The following NOL10 variants were observed in gnomAD, a reference collection of about 807,000 sequenced individuals.
NOL10 encodes nucleolar protein 10.
A neutral mutation model predicts 103.5 loss-of-function variants in NOL10; 58 were observed. The observed-to-expected ratio is 0.56, with a 90% CI of 0.45 to 0.70. The LOEUF (loss-of-function observed/expected upper bound fraction) is 0.70. Ranked by LOEUF, NOL10 falls within the 30% of genes least tolerant of loss-of-function variation. The probability of loss-of-function intolerance (pLI) is 0.00; values close to 1 mark genes in which losing one functional copy is unlikely to be tolerated. For synonymous variants in NOL10, 287 were observed against 282.5 expected (o/e 1.02, Z -0.16); for missense variants, 763 against 807.3 (o/e 0.95, Z 0.67).
intron 14 of NOL10, among the ~76,000 whole-genome samples, chr2:10,603,661 T>C (rs1162405579): frequency 6.6e-6 from 1 of 152,172 alleles, no homozygotes; most frequent in Non-Finnish European, 1.5e-5. Flanking sequence ...ACATGCATAT[T>C]AATACTCATA....
At chr2:10,664,902 T>TA (rs1680476091) in intron 8 of NOL10, among the ~76,000 whole-genome samples, 1 of 147,770 alleles carries the variant, frequency 6.8e-6, no homozygotes, top group Non-Finnish European at 1.5e-5. Context: ...AGCAAATTAT[T>TA]AACAGTATTT....
intron 17 of NOL10, chr2:10,590,722 C>A (rs572155312): frequency 4.6e-5 from 7 of 151,034 alleles, no homozygotes; most frequent in African/African-American, 1.7e-4. Flanking sequence ...ATACTAAATT[C>A]CTTTTTATTT....
At position 10,589,234 on chromosome 2, in the gene NOL10, T is replaced by C. The variant is rs1389970063; in HGVS notation, c.1653A>G (p.Ser551=). 6.2e-7 allele frequency: 1 copy of C among 1,613,858 alleles called. No homozygotes were observed. Among genetic ancestry groups the C allele is most frequent in the Non-Finnish European group, 8.5e-7 (1 of 1,179,894 alleles). ...KPSDAESSES[S]DDEKAWVEEV... Reference sequence around the variant, plus strand: ...CTTCAACCCAGGCTTTTTCATCATCTGAACTCTCCGAACTTTCTGCATCAC... The same window carrying C: ...CTTCAACCCAGGCTTTTTCATCATCCGAACTCTCCGAACTTTCTGCATCAC... Residue 551 remains serine (S), a synonymous_variant, in exon 19 of 21, where the codon TCA becomes TCG. Transcript: ENST00000381685.
intron 13 of NOL10, among the ~76,000 whole-genome samples, chr2:10,624,852 C>T (rs1366769204): frequency 6.6e-6 from 1 of 152,078 alleles, no homozygotes; most frequent in African/African-American, 2.4e-5. Context: ...TTCCTAACTG[C>T]CAAAACTGGA....
chr2:10,644,273 T>A, intron 13 of NOL10, 47 bp downstream of exon 13: 1 of 1,291,316 alleles, frequency 7.7e-7, no homozygotes, highest in Non-Finnish European at 1.1e-6. Flanking sequence ...ATAAAAAGTA[T>A]CTTTGCTTGT....
At chr2:10,581,001 T>C (rs904199889) in intron 19 of NOL10, among the ~76,000 whole-genome samples, 1 of 152,234 alleles carries the variant, frequency 6.6e-6, no homozygotes, top group African/African-American at 2.4e-5. Flanking sequence ...TTAAGTACTT[T>C]GCTTTAAATA....
At chr2:10,676,157 T>A (rs564014963) in intron 3 of NOL10, among the ~76,000 whole-genome samples, 1 of 152,264 alleles carries the variant, frequency 6.6e-6, no homozygotes, top group East Asian at 1.9e-4. Flanking sequence ...ATGGCAAAGA[T>A]TAAAAAACGG....
At chr2:10,601,714 T>G (rs867639353) in intron 16 of NOL10, among the ~76,000 whole-genome samples, 1 of 152,268 alleles carries the variant, frequency 6.6e-6, no homozygotes, top group Middle Eastern at 3.4e-3. Flanking sequence ...CTTGGGAGGC[T>G]GAGGTGGGAA....
At chr2:10,589,504 A>G (rs1224634232) in intron 18 of NOL10, 74 bp downstream of exon 18, 21 of 1,276,328 alleles carry the variant, frequency 1.6e-5, no homozygotes, top group Non-Finnish European at 1.9e-5. Context: ...ATAATCAAAG[A>G]CTCTTCTAAC....
chr2:10,573,585 T>C (rs926266357), intron 20 of NOL10, among the ~76,000 whole-genome samples: 3 of 151,596 alleles, frequency 2.0e-5, no homozygotes, highest in East Asian at 3.9e-4. Context: ...CTTGTGGATA[T>C]TACCCACTCT....
At chr2:10,654,667 C>G in intron 11 of NOL10, 120 bp from the exon 12 acceptor site, 1 of 507,024 alleles carries the variant, frequency 2.0e-6, no homozygotes, top group Non-Finnish European at 3.5e-6. Flanking sequence ...TAGCCTACTT[C>G]AAATACAAAA....
At position 10,587,086 on chromosome 2, in the gene NOL10, T is replaced by TAC. The variant is rs1558270091; in HGVS notation, c.1844+1955_1844+1956dup. 2.5e-3 allele frequency among the ~76,000 whole-genome samples: 139 copies of TAC among 55,008 alleles called. 15 individuals carry two copies. Among genetic ancestry groups the TAC allele is most frequent in the African/African-American group, 7.4e-3 (114 of 15,304 alleles). The allele number at this position is 55,008 out of a possible 152,430, so 36.1% of individuals were successfully genotyped here. A position where few individuals can be genotyped will look rare whatever the true frequency, so the allele number is the denominator to read the frequency against. On this transcript the variant is annotated intron_variant, in intron 19 of 20. Transcript: ENST00000381685. ...ATATATACATATATATACATATATA[T>TAC]ACATATATATACACATATATATACA...
At chr2:10,587,551 G>A (rs1572241713) in intron 19 of NOL10, among the ~76,000 whole-genome samples, 1 of 151,572 alleles carries the variant, frequency 6.6e-6, no homozygotes, top group South Asian at 2.1e-4. Flanking sequence ...GATTACAGGC[G>A]TGAGCCACCG....
chr2:10,664,433 C>T (rs1212953921), intron 8 of NOL10, among the ~76,000 whole-genome samples: 1 of 152,070 alleles, frequency 6.6e-6, no homozygotes, highest in Non-Finnish European at 1.5e-5. Context: ...AATGGAGAAA[C>T]TGTAGTACGT....
At chr2:10,582,802 G>A (rs1378296127) in intron 19 of NOL10, among the ~76,000 whole-genome samples, 1 of 152,070 alleles carries the variant, frequency 6.6e-6, no homozygotes, top group Non-Finnish European at 1.5e-5. Flanking sequence ...CACTTTCTGT[G>A]GCTGAGTCTT....
At chr2:10,641,297 TG>T (rs1223880258) in intron 13 of NOL10, among the ~76,000 whole-genome samples, 2 of 151,858 alleles carry the variant, frequency 1.3e-5, no homozygotes, top group African/African-American at 4.8e-5. Context: ...GAGCCGAGAT[TG>T]TGCCACTGCA....
chr2:10,578,492 T>C (rs10190673), intron 19 of NOL10, among the ~76,000 whole-genome samples: 52,253 of 152,058 alleles, frequency 0.34, 9,403 homozygotes, highest in Non-Finnish European at 0.4. Context: ...CTTGATCACA[T>C]TTTCCAAATT....
intron 13 of NOL10, among the ~76,000 whole-genome samples, chr2:10,613,601 T>G (rs1265474966): frequency 6.6e-6 from 1 of 152,232 alleles, no homozygotes. Context: ...TTTCACTGAT[T>G]ACACAGAAGA....
At chr2:10,619,801 C>G (rs1458943139) in intron 13 of NOL10, among the ~76,000 whole-genome samples, 2 of 152,192 alleles carry the variant, frequency 1.3e-5, no homozygotes, top group Admixed American at 6.5e-5. Context: ...AGAGCCTGGC[C>G]TTGCACCTCG....
Sources: gnomAD v4.1 joint callset for allele counts (sites outside exome capture counted in the v4.1 genomes callset) on GRCh38, gnomAD v4.1.1 for gene constraint, MANE v1.5 for transcripts, NCBI Gene and HGNC (gene_info 2026-07-23, HGNC 2026-07-21) for gene names.